RPTOR: variants seen among roughly 807,000 people sequenced by gnomAD.
RPTOR encodes the protein regulatory-associated protein of mTOR.
Under a neutral mutation model 169.9 loss-of-function variants are expected in RPTOR, and 21 were observed. The observed-to-expected ratio is 0.12, with a 90% CI of 0.09 to 0.18. The LOEUF is 0.18. Ranked by LOEUF, RPTOR falls within the 10% of genes least tolerant of loss-of-function variation. The probability of loss-of-function intolerance (pLI) is 1.00; values close to 1 mark genes in which losing one functional copy is unlikely to be tolerated. For synonymous variants in RPTOR, 732 were observed against 753.2 expected (o/e 0.97, Z 0.46); for missense variants, 1,133 against 1,855.9 (o/e 0.61, Z 7.16).
intron 24 of RPTOR, among the ~76,000 whole-genome samples, chr17:80,927,910 G>A (rs1203664062): frequency 1.3e-5 from 2 of 151,990 alleles, no homozygotes; most frequent in East Asian, 3.8e-4. Flanking sequence ...TTGTGGTCTG[G>A]CCCTGCCAGC....
chr17:80,866,060 AATAT>A (rs2067986509), intron 13 of RPTOR, among the ~76,000 whole-genome samples: 1 of 151,890 alleles, frequency 6.6e-6, no homozygotes, highest in Non-Finnish European at 1.5e-5. Flanking sequence ...TAAGTAAATT[AATAT>A]ATATGTGCTT....
chr17:80,933,977 T>G (rs1216990187), intron 24 of RPTOR, among the ~76,000 whole-genome samples: 2 of 151,816 alleles, frequency 1.3e-5, no homozygotes, highest in East Asian at 3.9e-4. Flanking sequence ...GGTCTCATTC[T>G]GTTGCCCAGG....
chr17:80,930,346 A>AGCTCC (rs2068871991), intron 24 of RPTOR, among the ~76,000 whole-genome samples: 1 of 31,578 alleles, frequency 3.2e-5, no homozygotes, highest in Non-Finnish European at 6.2e-5. Flanking sequence ...GCTCATCCTC[A>AGCTCC]GCTCATCCCC....
At chr17:80,588,166 CT>C (rs71163973) in intron 1 of RPTOR, among the ~76,000 whole-genome samples, 26,290 of 138,310 alleles carry the variant, frequency 0.19, 2,331 homozygotes, top group East Asian at 0.27. Flanking sequence ...TTTATCCATT[CT>C]TTTTTTTTTT....
At chr17:80,743,837 A>T (rs866087266) in intron 5 of RPTOR, among the ~76,000 whole-genome samples, 3,227 of 77,628 alleles carry the variant, frequency 0.042, 195 homozygotes, top group African/African-American at 0.08. Context: ...CTACTAGCAC[A>T]GCCCTGGTTA....
rs60134210 is a variant in RPTOR at position 80,632,419 on chromosome 17, C to T, written c.265+6626C>T. Among the ~76,000 whole-genome samples the T allele has an allele frequency of 6.6e-4, 100 of 152,316 alleles. 1 individual carries two copies. In the East Asian group the frequency reaches 0.019, roughly 29 times the overall value. On this transcript the variant is annotated intron_variant, in intron 2 of 33. Coordinates refer to ENST00000306801, the MANE Select transcript of RPTOR (RefSeq NM_020761.3). ...CTGCCTGAGGAGCCTGAGCTTTTAT[C>T]AGAGCTCACCGCCCTCTCCCACACA...
chr17:80,634,886 TTG>T (rs569200793), intron 2 of RPTOR, among the ~76,000 whole-genome samples: 1 of 132,220 alleles, frequency 7.6e-6, no homozygotes, highest in African/African-American at 2.9e-5. Context: ...TGTGCATACT[TTG>T]TGTGTGCATA....
chr17:80,773,778 A>G, intron 6 of RPTOR: 3 of 985,386 alleles, frequency 3.0e-6, no homozygotes, highest in Non-Finnish European at 3.6e-6. Context: ...GGGGACGTGT[A>G]GTCACTGTGG....
chr17:80,814,242 T>G (rs2143586155), intron 7 of RPTOR, among the ~76,000 whole-genome samples: 1 of 152,370 alleles, frequency 6.6e-6, no homozygotes, highest in African/African-American at 2.4e-5. Context: ...AAGTTTTGTT[T>G]TCCTTTAATA....
intron 1 of RPTOR, among the ~76,000 whole-genome samples, chr17:80,563,811 A>G (rs1183962268): frequency 2.0e-5 from 3 of 152,122 alleles, no homozygotes; most frequent in African/African-American, 7.2e-5. Flanking sequence ...CCCGCCTTGA[A>G]GATCCTCTGT....
At chr17:80,961,530 T>TCCCC (rs1184142527) in intron 31 of RPTOR, 50 bp downstream of exon 31, 1 of 1,520,412 alleles carries the variant, frequency 6.6e-7, no homozygotes, top group Admixed American at 2.0e-5. Flanking sequence ...AACATTATTT[T>TCCCC]CCCCTCCATT....
intron 24 of RPTOR, among the ~76,000 whole-genome samples, chr17:80,938,413 C>T (rs961078590): frequency 1.3e-5 from 2 of 152,190 alleles, no homozygotes; most frequent in Admixed American, 6.5e-5. Flanking sequence ...CAGAGAAGCC[C>T]GAGTCTCATT....
chr17:80,795,587 G>A (rs960487725), intron 7 of RPTOR, among the ~76,000 whole-genome samples: 3 of 151,892 alleles, frequency 2.0e-5, no homozygotes, highest in Admixed American at 6.6e-5. Flanking sequence ...ATTTAAAAGA[G>A]ACAATTAACT....
At chr17:80,838,172 T>C (rs1365263617) in intron 10 of RPTOR, among the ~76,000 whole-genome samples, 175 bp downstream of exon 10, 1 of 152,138 alleles carries the variant, frequency 6.6e-6, no homozygotes, top group African/African-American at 2.4e-5. Context: ...TCAACCAGGG[T>C]TTAAAGTTAA....
At chr17:80,717,530 C>T (rs2066249640) in intron 4 of RPTOR, among the ~76,000 whole-genome samples, 1 of 152,190 alleles carries the variant, frequency 6.6e-6, no homozygotes, top group Admixed American at 6.5e-5. Flanking sequence ...TGGCATGCCA[C>T]CGGAGACAGG....
intron 7 of RPTOR, among the ~76,000 whole-genome samples, chr17:80,800,987 G>T (rs918007079): frequency 1.3e-5 from 2 of 152,246 alleles, no homozygotes; most frequent in Non-Finnish European, 2.9e-5. Flanking sequence ...TGCCCCGTGT[G>T]GCCCAGGGAC....
Position 80,959,957 on chromosome 17 carries a change from CAG to C in RPTOR, c.3478-120_3478-119del. The C allele has an allele frequency of 8.1e-7, 1 of 1,241,390 alleles. No homozygotes were observed. 76.9% of individuals were successfully genotyped at this position (1,241,390 alleles called of 1,614,324 possible). A position where few individuals can be genotyped will look rare whatever the true frequency, so the allele number is the denominator to read the frequency against. On this transcript the variant is annotated intron_variant, in intron 29 of 33. Transcript: ENST00000306801. The surrounding 1 kb of genome is among the most constrained non-coding windows in gnomAD (Gnocchi z 6.7). ...CCCTGGATAGAGAGAAAGGCCCCTG[CAG>C]CCAGGGAGGGTGATCCCCACAGCCA...
At chr17:80,891,691 CTG>C in intron 17 of RPTOR, 27 bp from the exon 18 acceptor site, 6 of 1,433,592 alleles carry the variant, frequency 4.2e-6, no homozygotes, top group Non-Finnish European at 5.9e-6. Context: ...GCCCCAGTGA[CTG>C]TTATTGTCCC....
At chr17:80,913,002 GTGTC>G (rs904647420) in intron 21 of RPTOR, among the ~76,000 whole-genome samples, 1 of 152,168 alleles carries the variant, frequency 6.6e-6, no homozygotes, top group African/African-American at 2.4e-5. Flanking sequence ...TTGTGTGTGT[GTGTC>G]TGTGTGCGTG....
Sources: gnomAD v4.1 joint callset for allele counts (sites outside exome capture counted in the v4.1 genomes callset) on GRCh38, gnomAD v4.1.1 for gene constraint, Gnocchi (gnomAD v3.1) non-coding constraint, MANE v1.5 for transcripts, NCBI Gene and HGNC (gene_info 2026-07-23, HGNC 2026-07-21) for gene names.